ARR3: variants seen among roughly 807,000 people sequenced by gnomAD.
ARR3 encodes the protein arrestin 3.
ARR3 carries 14 observed loss-of-function variants against 35.4 expected under a neutral mutation model. The observed-to-expected ratio is 0.40, with a 90% CI of 0.26 to 0.62. The LOEUF (loss-of-function observed/expected upper bound fraction) is 0.62, where lower values mean the gene tolerates loss of function less well. Among genes scored for constraint, ARR3 ranks in the 20% least tolerant of loss-of-function variants. ARR3 has a pLI of 0.46. For synonymous variants in ARR3, 97 were observed against 119.1 expected (o/e 0.81, Z 1.21); for missense variants, 259 against 303.8 (o/e 0.85, Z 1.10).
At chrX:70,281,365 C>A in intron 16 of ARR3, 1 of 446,325 alleles carries the variant, frequency 2.2e-6, no homozygotes, top group Non-Finnish European at 3.9e-6. Context: ...TTTCTTTTTC[C>A]TTTTCCCCCA....
intron 3 of ARR3, 46 bp downstream of exon 3, chrX:70,269,738 T>A (rs375956429): frequency 8.4e-7 from 1 of 1,194,830 alleles, no homozygotes; most frequent in African/African-American, 1.8e-5. Context: ...GCAAAAGGGA[T>A]AGGTGGGTAC....
Position 70,270,320 on chromosome X carries a change from G to A in ARR3, c.145+176G>A, listed in dbSNP as rs756635662. Among the ~76,000 whole-genome samples, 259 of 112,245 alleles carry A rather than the reference G, an allele frequency of 2.3e-3. 1 individual carries two copies. The highest frequency in any genetic ancestry group is 8.1e-3 in the African/African-American group (252 of 30,921). On this transcript the variant is annotated intron_variant, in intron 5 of 16. Coordinates refer to ENST00000307959, the MANE Select transcript of ARR3 (RefSeq NM_004312.3). ...GCCAAATTTTCTAATTGTTAATGAG[G>A]AGCTGTAAACGAAGCTCAAAATAAG...
chrX:70,277,737 A>G lies in ARR3; in HGVS notation c.631A>G (p.Ile211Val), dbSNP rs751766914. ...DREVHYHGEP[I>V]SVNVSINNCT... ...TTAGGTTCACTACCACGGAGAACCC[A>G]TCTCTGTCAATGTTTCTATCAACAA... The change falls in exon 10 of 17, where the codon ATC becomes GTC. Residue 211 changes from isoleucine to valine, a missense_variant. Physicochemically the swap from Ile to Val is conservative, Grantham distance 29. Transcript: ENST00000307959. 2.5e-6 allele frequency: 3 copies of G among 1,210,415 alleles called. No individual in the cohort carries two copies. In the South Asian group the frequency reaches 5.3e-5, roughly 21 times the overall value.
chrX:70,276,143 G>C lies in ARR3; in HGVS notation c.207G>C (p.Leu69=), dbSNP rs762338582. 5.0e-6 allele frequency: 6 copies of C among 1,210,123 alleles called. No homozygotes were observed. The South Asian group carries it at 8.8e-5, about 18-fold the overall frequency. ...GTGATGACTTGGAAGTGATTGGTCT[G>C]ACGTTCCGAAAAGATCTGTATGTGC... ...YGRDDLEVIG[L]TFRKDLYVQT... The change falls in exon 6 of 17, where the codon CTG becomes CTC. Residue 69 remains leucine (L), a synonymous_variant. Coordinates refer to ENST00000307959, the MANE Select transcript of ARR3 (RefSeq NM_004312.3).
At chrX:70,268,681 G>A (rs1270517373) in intron 1 of ARR3, among the ~76,000 whole-genome samples, 1 of 112,128 alleles carries the variant, frequency 8.9e-6, no homozygotes, top group African/African-American at 3.2e-5. Context: ...GAAAGGCAAT[G>A]AGAGGGATGA....
intron 8 of ARR3, 119 bp from the exon 9 acceptor site, chrX:70,277,275 T>C: frequency 2.0e-6 from 2 of 981,088 alleles, no homozygotes; most frequent in East Asian, 3.2e-5. Flanking sequence ...AGGAGTTCTC[T>C]GAGGGAGGCC....
intron 2 of ARR3, 21 bp from the exon 3 acceptor site, chrX:70,269,641 T>C (rs780602455): frequency 1.7e-6 from 2 of 1,203,773 alleles, no homozygotes; most frequent in South Asian, 3.6e-5. Flanking sequence ...CTCCATCCTC[T>C]TTCTGGTTTT....
intron 2 of ARR3, 46 bp downstream of exon 2, chrX:70,269,439 C>T (rs1278935608): frequency 8.9e-7 from 1 of 1,127,546 alleles, no homozygotes; most frequent in Non-Finnish European, 1.2e-6. Context: ...TGCTCCCTAC[C>T]CCAATCCAAG....
chrX:70,274,266 A>G, intron 5 of ARR3, among the ~76,000 whole-genome samples: 1 of 105,116 alleles, frequency 9.5e-6, no homozygotes, highest in South Asian at 4.5e-4. Context: ...CAGTGGTGCA[A>G]TCTCAGCTCA....
At chrX:70,278,234 G>C (rs1044421236) in intron 11 of ARR3, 96 bp downstream of exon 11, 1 of 833,572 alleles carries the variant, frequency 1.2e-6, no homozygotes, top group Non-Finnish European at 1.7e-6. Context: ...GGGGAGAAGA[G>C]TGGTGGAAGA....
intron 12 of ARR3, among the ~76,000 whole-genome samples, chrX:70,279,260 G>A (rs2147643250): frequency 8.9e-6 from 1 of 112,649 alleles, no homozygotes; most frequent in South Asian, 3.7e-4. Flanking sequence ...TGCCTTCGGA[G>A]GCCCTAGTGT....
At chrX:70,268,927 T>C (rs2085618450) in intron 1 of ARR3, among the ~76,000 whole-genome samples, 1 of 111,939 alleles carries the variant, frequency 8.9e-6, no homozygotes, top group African/African-American at 3.3e-5. Flanking sequence ...AACAAACATG[T>C]CTTGGCACCT....
At position 70,269,832 on chromosome X, in the gene ARR3, T is replaced by C. The variant is rs755323057; in HGVS notation, c.40-11T>C. 5.8e-6 allele frequency: 7 copies of C among 1,206,781 alleles called. No individual in the cohort carries two copies. The East Asian group carries it at 8.9e-5, about 15-fold the overall frequency. ...ATTGTGAGAATAACATGGGAAGTTGTTCCACAACAGCTCTCCATCTACCTG... is the reference window on the plus strand; with the variant it reads ...ATTGTGAGAATAACATGGGAAGTTGCTCCACAACAGCTCTCCATCTACCTG... On this transcript the variant is annotated splice_polypyrimidine_tract_variant and intron_variant, in intron 3 of 16. Transcript: ENST00000307959.
chrX:70,276,172 C>A lies in ARR3; in HGVS notation c.236C>A (p.Thr79Asn). The change falls in exon 6 of 17, where the codon ACC becomes AAC. Residue 79 changes from threonine (T) to asparagine (N), a missense_variant. Thr to Asn is a moderately conservative substitution (Grantham distance 65, BLOSUM62 0). Transcript: ENST00000307959. ...TTCCGAAAAGATCTGTATGTGCAGACCCTGCAAGTGGTCCCAGCTGAATCC... is the reference window on the plus strand; with the variant it reads ...TTCCGAAAAGATCTGTATGTGCAGAACCTGCAAGTGGTCCCAGCTGAATCC... ...LTFRKDLYVQ[T>N]LQVVPAESSS... 8.3e-7 allele frequency: 1 copy of A among 1,211,686 alleles called. No homozygotes were observed. Among genetic ancestry groups the A allele is most frequent in the Non-Finnish European group, 1.1e-6 (1 of 895,431 alleles).
At chrX:70,273,766 T>C (rs1313003134) in intron 5 of ARR3, among the ~76,000 whole-genome samples, 2 of 111,961 alleles carry the variant, frequency 1.8e-5, no homozygotes, top group African/African-American at 3.3e-5. Context: ...GTGTAATAAC[T>C]GAGACCCAGA....
At chrX:70,270,183 C>T (rs1051722642) in intron 5 of ARR3, 39 bp downstream of exon 5, 1 of 1,176,075 alleles carries the variant, frequency 8.5e-7, no homozygotes, top group African/African-American at 1.8e-5. Flanking sequence ...ATGTTTCAGA[C>T]AGGTAACCCG....
chrX:70,280,658 A>T, intron 14 of ARR3, 76 bp downstream of exon 14: 1 of 1,195,299 alleles, frequency 8.4e-7, no homozygotes, highest in South Asian at 1.8e-5. Flanking sequence ...ATAATGATTG[A>T]TTCTGGAGGG....
intron 5 of ARR3, among the ~76,000 whole-genome samples, chrX:70,275,412 G>C (rs763840426): frequency 1.2e-4 from 13 of 111,521 alleles, no homozygotes; most frequent in African/African-American, 1.6e-4. Context: ...TTCTGCAAGG[G>C]CCTATTCACA....
Position 70,270,135 on chromosome X carries a change from T to A in ARR3, c.136T>A (p.Cys46Ser). ...CCTGGTTGATCCTGAGTACTTAAAA[T>A]GTCGAAAGTGTAAGTGGAAATCCTT... ...VVLVDPEYLK[C>S]RKLFVMLTCA... Residue 46 changes from cysteine (C) to serine (S), a missense_variant, in exon 5 of 17, where the codon TGT becomes AGT. Cys to Ser is a moderately radical substitution (Grantham distance 112). Transcript: ENST00000307959. The A allele has an allele frequency of 4.1e-6, 5 of 1,210,504 alleles. No homozygotes were observed. The highest frequency in any genetic ancestry group is 4.5e-6 in the Non-Finnish European group (4 of 894,266).
Sources: gnomAD v4.1 joint callset for allele counts (sites outside exome capture counted in the v4.1 genomes callset) on GRCh38, gnomAD v4.1.1 for gene constraint, MANE v1.5 for transcripts, NCBI Gene and HGNC (gene_info 2026-07-23, HGNC 2026-07-21) for gene names.